Variants in EHBP1 observed in about 807,000 individuals in gnomAD.
The protein encoded by EHBP1 is EH domain-binding protein 1.
A neutral mutation model predicts 144.0 loss-of-function variants in EHBP1; 55 were observed. The observed-to-expected ratio is 0.38, with a 90% CI of 0.31 to 0.48. EHBP1 has a LOEUF of 0.48. Ranked by LOEUF, EHBP1 falls within the 20% of genes least tolerant of loss-of-function variation. EHBP1 has a pLI of 0.98. For synonymous variants in EHBP1, 469 were observed against 472.7 expected (o/e 0.99, Z 0.10); for missense variants, 1,200 against 1,364.2 (o/e 0.88, Z 1.90).
At chr2:62,838,473 C>A (rs1264085049) in intron 7 of EHBP1, among the ~76,000 whole-genome samples, 2 of 152,000 alleles carry the variant, frequency 1.3e-5, no homozygotes, top group African/African-American at 4.8e-5. Flanking sequence ...TAGCAGAAGG[C>A]AAGAAACAAC....
chr2:62,834,088 C>T (rs1204471979), intron 7 of EHBP1, among the ~76,000 whole-genome samples: 1 of 152,190 alleles, frequency 6.6e-6, no homozygotes, highest in Non-Finnish European at 1.5e-5. Context: ...CATGATAAAA[C>T]TTGAATGGAT....
chr2:62,825,979 G>A (rs1011000783), intron 5 of EHBP1, 108 bp from the exon 6 acceptor site: 1 of 747,834 alleles, frequency 1.3e-6, no homozygotes, highest in African/African-American at 1.8e-5. Flanking sequence ...TGTAATAGGA[G>A]AAGGAAGTTT....
intron 7 of EHBP1, among the ~76,000 whole-genome samples, chr2:62,838,617 G>C (rs899907368): frequency 5.3e-5 from 8 of 151,032 alleles, no homozygotes; most frequent in Non-Finnish European, 1.2e-4. Flanking sequence ...GAAAAAAAGA[G>C]AGAAGAATCA....
At chr2:62,950,835 G>A (rs1042588850) in intron 13 of EHBP1, among the ~76,000 whole-genome samples, 2 of 152,010 alleles carry the variant, frequency 1.3e-5, no homozygotes, top group Non-Finnish European at 2.9e-5. Flanking sequence ...ACGGGCATGT[G>A]CCACCACACC....
chr2:63,007,346 A>G (rs2060084310), intron 19 of EHBP1, among the ~76,000 whole-genome samples: 1 of 151,876 alleles, frequency 6.6e-6, no homozygotes. Flanking sequence ...GAACTTTTAT[A>G]AAAATTTAGC....
chr2:62,785,232 C>A (rs905943502), intron 5 of EHBP1, among the ~76,000 whole-genome samples: 1 of 152,022 alleles, frequency 6.6e-6, no homozygotes, highest in Admixed American at 6.6e-5. Context: ...AATGAATTCA[C>A]CATCCACTAA....
Position 62,970,290 on chromosome 2 carries a change from A to C in EHBP1, c.2461-8898A>C, listed in dbSNP as rs530466331. 1.5e-3 allele frequency among the ~76,000 whole-genome samples: 232 copies of C among 152,224 alleles called. 2 individuals are homozygous for C. The highest frequency in any genetic ancestry group is 2.3e-3 in the Non-Finnish European group (157 of 68,016). ...TTTTAAAAAAATTTAGATAGGTTAA[A>C]ATTTATTTAGCTCAATTAATTAAAG... On this transcript the variant is annotated intron_variant, in intron 14 of 22. Transcript: ENST00000431489.
intron 10 of EHBP1, among the ~76,000 whole-genome samples, chr2:62,916,071 A>G (rs1021639650): frequency 2.0e-5 from 3 of 152,214 alleles, no homozygotes; most frequent in Non-Finnish European, 2.9e-5. Flanking sequence ...GTGTAGTCCC[A>G]GATACTTGGG....
At position 62,993,539 on chromosome 2, in the gene EHBP1, G is replaced by A. The variant is rs758645326; in HGVS notation, c.2743G>A (p.Glu915Lys). 1.9e-6 allele frequency: 3 copies of A among 1,586,666 alleles called. No homozygotes were observed. The highest frequency in any genetic ancestry group is 2.7e-5 in the African/African-American group (2 of 74,382). The change falls in exon 17 of 23, where the codon GAA (glutamate) becomes AAA (lysine). Residue 915 changes from glutamate (E) to lysine (K), a missense_variant. Transcript: ENST00000431489. ...GTTGTTTTACGTTTAGAGTGGCACA[G>A]AAGATCTCCGGACTGAACGATTACA... Reference protein sequence around the residue: ...SSEQDMKSGTEDLRTERLQKT... With the variant: ...SSEQDMKSGTKDLRTERLQKT...
At chr2:62,754,089 C>T (rs983645013) in intron 3 of EHBP1, among the ~76,000 whole-genome samples, 2 of 152,150 alleles carry the variant, frequency 1.3e-5, no homozygotes, top group African/African-American at 2.4e-5. Flanking sequence ...GAATTTTCAG[C>T]TCTTCTGCTC....
chr2:62,677,135 A>G (rs994389131), intron 1 of EHBP1, among the ~76,000 whole-genome samples: 3 of 152,206 alleles, frequency 2.0e-5, no homozygotes, highest in Non-Finnish European at 2.9e-5. Context: ...GGTTGAGGCT[A>G]CACTGAGCTG....
intron 5 of EHBP1, among the ~76,000 whole-genome samples, chr2:62,800,691 C>G (rs1436197166): frequency 1.3e-5 from 2 of 152,128 alleles, no homozygotes; most frequent in African/African-American, 2.4e-5. Context: ...TCTCTGCAAC[C>G]TTACTAACAG....
At chr2:62,879,038 A>G (rs1256256262) in intron 10 of EHBP1, among the ~76,000 whole-genome samples, 2 of 151,950 alleles carry the variant, frequency 1.3e-5, no homozygotes, top group East Asian at 3.9e-4. Flanking sequence ...AAAACAAAAA[A>G]CTACATGTTT....
At chr2:62,835,010 A>G (rs1026546544) in intron 7 of EHBP1, among the ~76,000 whole-genome samples, 3 of 152,164 alleles carry the variant, frequency 2.0e-5, no homozygotes, top group African/African-American at 7.2e-5. Context: ...TATTCTATAA[A>G]AGTTTATTCT....
intron 19 of EHBP1, among the ~76,000 whole-genome samples, chr2:63,005,599 A>G (rs2060005942): frequency 6.6e-6 from 1 of 152,042 alleles, no homozygotes; most frequent in Non-Finnish European, 1.5e-5. Flanking sequence ...ATTATCCATA[A>G]TTTATTTTGA....
chr2:62,862,633 A>T (rs778120115), intron 8 of EHBP1, among the ~76,000 whole-genome samples: 1 of 152,160 alleles, frequency 6.6e-6, no homozygotes, highest in Non-Finnish European at 1.5e-5. Flanking sequence ...AAATAAAAGT[A>T]ATTAATAAAT....
intron 14 of EHBP1, among the ~76,000 whole-genome samples, chr2:62,961,430 A>G (rs2057996180): frequency 6.6e-6 from 1 of 152,068 alleles, no homozygotes; most frequent in Non-Finnish European, 1.5e-5. Flanking sequence ...CTGGGTCTGT[A>G]TTTTATGTTT....
chr2:62,685,556 G>C (rs181723), intron 1 of EHBP1, among the ~76,000 whole-genome samples: 2 of 151,932 alleles, frequency 1.3e-5, no homozygotes, highest in Non-Finnish European at 2.9e-5. Flanking sequence ...GGGTCCACCT[G>C]CCGACCTCAT....
intron 14 of EHBP1, among the ~76,000 whole-genome samples, chr2:62,969,532 G>T (rs2153167570): frequency 6.6e-6 from 1 of 152,152 alleles, no homozygotes; most frequent in Non-Finnish European, 1.5e-5. Flanking sequence ...TATTTTTTCT[G>T]AATTAGTCCT....
Sources: allele counts gnomAD v4.1 joint callset (sites outside exome capture counted in the v4.1 genomes callset), GRCh38; gene constraint gnomAD v4.1.1; transcripts MANE v1.5; gene names NCBI Gene and HGNC (gene_info 2026-07-23, HGNC 2026-07-21).